The following RFX3 variants were observed in gnomAD, a reference collection of about 807,000 sequenced individuals.
RFX3 encodes transcription factor RFX3.
In RFX3, 14 loss-of-function variants were observed where a neutral mutation model predicts 98.6. The observed-to-expected ratio is 0.14, with a 90% CI of 0.09 to 0.22. The LOEUF (loss-of-function observed/expected upper bound fraction) is 0.22, where lower values mean the gene tolerates loss of function less well. Ranked by LOEUF, RFX3 falls within the 10% of genes least tolerant of loss-of-function variation. The pLI is 1.00. For missense variants in RFX3, 639 were observed against 926.9 expected, an observed-to-expected ratio of 0.69 and a Z score of 4.03; for synonymous variants, 383 against 328.4, an observed-to-expected ratio of 1.17 and a Z score of -1.80.
intron 5 of RFX3, among the ~76,000 whole-genome samples, chr9:3,298,273 A>G (rs921075908): frequency 1.3e-5 from 2 of 151,908 alleles, no homozygotes; most frequent in African/African-American, 4.8e-5. Context: ...ATATAGAGAA[A>G]TAATTGAGTG....
chr9:3,471,880 T>A (rs969969292), intron 1 of RFX3, among the ~76,000 whole-genome samples: 1 of 152,268 alleles, frequency 6.6e-6, no homozygotes, highest in Non-Finnish European at 1.5e-5. Flanking sequence ...GATTACTGAA[T>A]GATCTTATTT....
intron 3 of RFX3, chr9:3,344,962 G>A: frequency 1.6e-6 from 1 of 622,290 alleles, no homozygotes; most frequent in East Asian, 2.9e-5. Flanking sequence ...TACGGTAACA[G>A]AAATTTACTG....
At chr9:3,499,689 TTAAA>T (rs377457523) in intron 1 of RFX3, among the ~76,000 whole-genome samples, 315 of 152,232 alleles carry the variant, frequency 2.1e-3, no homozygotes, top group Admixed American at 4.7e-3. Context: ...TTACTTATTT[TTAAA>T]TAAGCCTTTT....
At chr9:3,419,125 A>G (rs1344270002) in intron 1 of RFX3, among the ~76,000 whole-genome samples, 1 of 152,200 alleles carries the variant, frequency 6.6e-6, no homozygotes, top group South Asian at 2.1e-4. Flanking sequence ...TAGCACTGGA[A>G]CAATTTCCAT....
At chr9:3,484,501 C>T (rs1271626832) in intron 1 of RFX3, among the ~76,000 whole-genome samples, 1 of 152,086 alleles carries the variant, frequency 6.6e-6, no homozygotes, top group African/African-American at 2.4e-5. Flanking sequence ...GCTGATTAAC[C>T]ATAAATTGCA....
At chr9:3,379,867 TA>T (rs1838983175) in intron 2 of RFX3, among the ~76,000 whole-genome samples, 1 of 151,278 alleles carries the variant, frequency 6.6e-6, no homozygotes, top group Non-Finnish European at 1.5e-5. Context: ...TTGACCTTTA[TA>T]ACTTATGGGC....
chr9:3,245,343 G>A (rs917842178), intron 15 of RFX3, among the ~76,000 whole-genome samples: 35 of 152,252 alleles, frequency 2.3e-4, no homozygotes, highest in African/African-American at 8.2e-4. Flanking sequence ...TAGTGAATGA[G>A]AACAGAGAAA....
At chr9:3,433,673 A>G (rs1191121033) in intron 1 of RFX3, among the ~76,000 whole-genome samples, 3 of 152,192 alleles carry the variant, frequency 2.0e-5, no homozygotes, top group African/African-American at 7.2e-5. Context: ...GTGTTAAACC[A>G]ATGTTTTTCA....
chr9:3,351,972 AT>A (rs1286954590), intron 2 of RFX3, among the ~76,000 whole-genome samples: 2 of 151,992 alleles, frequency 1.3e-5, no homozygotes, highest in Non-Finnish European at 2.9e-5. Context: ...GTACAAAAAA[AT>A]TTCAAAAAAT....
At chr9:3,488,706 T>C in intron 1 of RFX3, 1 of 840,470 alleles carries the variant, frequency 1.2e-6, no homozygotes, top group South Asian at 5.4e-5. Flanking sequence ...AATTTCTCTT[T>C]CAACCTTATA....
At chr9:3,395,384 A>C in intron 2 of RFX3, 88 bp downstream of exon 2, 1 of 1,459,624 alleles carries the variant, frequency 6.9e-7, no homozygotes, top group South Asian at 1.2e-5. Flanking sequence ...CAAGACAGTA[A>C]AGTTCAAATA....
intron 1 of RFX3, among the ~76,000 whole-genome samples, chr9:3,485,002 G>C (rs911824144): frequency 6.6e-6 from 1 of 151,436 alleles, no homozygotes; most frequent in Non-Finnish European, 1.5e-5. Context: ...GGGAGGCTCA[G>C]GCAGGAGGCT....
chr9:3,424,389 T>A (rs1211297846), intron 1 of RFX3, among the ~76,000 whole-genome samples: 3 of 115,052 alleles, frequency 2.6e-5, no homozygotes, highest in Non-Finnish European at 3.3e-5. Flanking sequence ...TGAGACGGAG[T>A]CTCGCTCTGT....
chr9:3,481,545 T>C (rs1397950322), intron 1 of RFX3, among the ~76,000 whole-genome samples: 1 of 151,834 alleles, frequency 6.6e-6, no homozygotes, highest in African/African-American at 2.4e-5. Context: ...ATAATGATCA[T>C]GTTATAATGT....
intron 15 of RFX3, among the ~76,000 whole-genome samples, chr9:3,238,749 A>C (rs1326679505): frequency 2.6e-5 from 4 of 152,232 alleles, no homozygotes; most frequent in Non-Finnish European, 5.9e-5. Flanking sequence ...AAAAGTGATC[A>C]GTCCGAGGCA....
chr9:3,495,274 G>A (rs1324784551), intron 1 of RFX3, among the ~76,000 whole-genome samples: 1 of 151,904 alleles, frequency 6.6e-6, no homozygotes, highest in African/African-American at 2.4e-5. Context: ...AATCGTCACT[G>A]AGCTAGACAT....
rs547006837 is a variant in RFX3, at chr9:3,248,119, A to G, written c.1881T>C (p.Arg627=). ...AAAACATATATTCGTCGTAGAGTAG[A>G]CGGATCAGGTGGAAGGAGCCAAAGC... ...AASFGSFHLI[R]LLYDEYMFYL... Residue 627 remains arginine (R), a synonymous_variant, in exon 15 of 17, where the codon CGT becomes CGC. Coordinates refer to ENST00000617270, the MANE Select transcript of RFX3 (RefSeq NM_001282116.2). 1.3e-4 allele frequency: 210 copies of G among 1,613,924 alleles called. 3 individuals are homozygous for G. The South Asian group carries it at 2.1e-3, about 16-fold the overall frequency.
intron 9 of RFX3, 105 bp from the exon 10 acceptor site, chr9:3,271,223 G>A (rs1425522811): frequency 1.2e-5 from 11 of 900,178 alleles, no homozygotes; most frequent in Admixed American, 4.4e-5. Flanking sequence ...TCTCCCTTGG[G>A]GTCATAAGTT....
At chr9:3,344,011 C>T (rs752734182) in intron 3 of RFX3, among the ~76,000 whole-genome samples, 2 of 152,134 alleles carry the variant, frequency 1.3e-5, no homozygotes, top group Non-Finnish European at 2.9e-5. Flanking sequence ...CTTACAAATG[C>T]TGTTTTTCTA....
Sources: gnomAD v4.1 joint callset for allele counts (sites outside exome capture counted in the v4.1 genomes callset) on GRCh38, gnomAD v4.1.1 for gene constraint, MANE v1.5 for transcripts, NCBI Gene and HGNC (gene_info 2026-07-23, HGNC 2026-07-21) for gene names.